TUSC3: variants seen among roughly 807,000 people sequenced by gnomAD.
TUSC3 encodes the protein dolichyl-diphosphooligosaccharide--protein glycosyltransferase subunit TUSC3.
In TUSC3, 45 loss-of-function variants were observed where a neutral mutation model predicts 44.8. The ratio of observed to expected loss-of-function variants is 1.00; its 90% CI spans 0.79 to 1.29. TUSC3 has a LOEUF of 1.29. Ranked by LOEUF, TUSC3 falls within the 50% of genes most tolerant of loss-of-function variation. The pLI, the probability that TUSC3 is intolerant of heterozygous loss-of-function variation, is 0.00. For synonymous variants in TUSC3, 212 were observed against 152.9 expected (o/e 1.39, Z -2.85); for missense variants, 519 against 437.9 (o/e 1.19, Z -1.65).
intron 6 of TUSC3, among the ~76,000 whole-genome samples, chr8:15,726,638 T>A (rs530199623): frequency 1.3e-5 from 2 of 152,068 alleles, no homozygotes; most frequent in East Asian, 3.9e-4. Flanking sequence ...AAACCCTATC[T>A]CTACTAAAAA....
At chr8:15,767,642 T>C (rs923332128), downstream of TUSC3, among the ~76,000 whole-genome samples, 5 of 152,140 alleles carry the variant, frequency 3.3e-5, no homozygotes, top group African/African-American at 7.2e-5. Flanking sequence ...GCATTCCTTA[T>C]GTGGGTTCCT....
chr8:15,445,868 A>C (rs1318916880), intron 1 of TUSC3, among the ~76,000 whole-genome samples: 1 of 151,900 alleles, frequency 6.6e-6, no homozygotes, highest in Admixed American at 6.6e-5. Context: ...GCGGCCGGGC[A>C]GAGGGGCTCC....
rs1371867000 is a variant in TUSC3 at position 15,743,690 on chromosome 8, A to T, written c.937+78A>T. On this transcript the variant is annotated intron_variant, in intron 8 of 10. Transcript: ENST00000503731. Reference sequence around the variant, plus strand: ...TTAAGTCAAATGGGAAATACATAAAAGCCCTTTGTAAACAAACTTCTAAAG... The same window carrying T: ...TTAAGTCAAATGGGAAATACATAAATGCCCTTTGTAAACAAACTTCTAAAG... 78 of 1,474,382 alleles carry T rather than the reference A, an allele frequency of 5.3e-5. No homozygotes were observed. The East Asian group carries it at 1.8e-3, about 33-fold the overall frequency. The allele number at this position is 1,474,382 out of a possible 1,614,324, so 91.3% of individuals were successfully genotyped here. A position where few individuals can be genotyped will look rare whatever the true frequency, so the allele number is the denominator to read the frequency against.
chr8:15,528,488 A>G (rs1707749413), intron 2 of TUSC3, among the ~76,000 whole-genome samples: 1 of 152,240 alleles, frequency 6.6e-6, no homozygotes, highest in South Asian at 2.1e-4. Context: ...TTTTTAAACC[A>G]TGAGAACCAC....
chr8:15,594,930 G>A lies in TUSC3; in HGVS notation c.139-28150G>A, dbSNP rs563152462. On this transcript the variant is annotated intron_variant, in intron 1 of 10. Transcript: ENST00000503731. Reference sequence around the variant, plus strand: ...GACAGATGGAGTTTTGACTGGATGCGCGTCATCTTCACTGCAATTGAGGGA... The same window carrying A: ...GACAGATGGAGTTTTGACTGGATGCACGTCATCTTCACTGCAATTGAGGGA... Among the ~76,000 whole-genome samples the A allele has an allele frequency of 4.6e-5, 7 of 152,150 alleles. No individual in the cohort carries two copies. The East Asian group carries it at 9.7e-4, about 21-fold the overall frequency.
At chr8:15,466,972 T>G (rs949395037) in intron 1 of TUSC3, among the ~76,000 whole-genome samples, 1 of 152,102 alleles carries the variant, frequency 6.6e-6, no homozygotes, top group East Asian at 1.9e-4. Flanking sequence ...GTATTTAAAT[T>G]CATGACTTTA....
At chr8:15,558,839 G>C (rs1195572278) in intron 1 of TUSC3, among the ~76,000 whole-genome samples, 2 of 149,596 alleles carry the variant, frequency 1.3e-5, no homozygotes, top group East Asian at 2.0e-4. Flanking sequence ...ATTTCTGTGG[G>C]ATCGGTGGTG....
At chr8:15,672,780 CTTG>C (rs1808005965) in intron 5 of TUSC3, among the ~76,000 whole-genome samples, 1 of 151,948 alleles carries the variant, frequency 6.6e-6, no homozygotes, top group Admixed American at 6.6e-5. Context: ...CTTTTGTATC[CTTG>C]TTTTCTCCTT....
At chr8:15,656,662 C>A (rs1031151558) in intron 3 of TUSC3, among the ~76,000 whole-genome samples, 7 of 150,460 alleles carry the variant, frequency 4.7e-5, no homozygotes, top group African/African-American at 1.7e-4. Context: ...CACGCAACAG[C>A]TCTCCCAGGC....
chr8:15,787,593 G>C, the TUSC3 span, among the ~76,000 whole-genome samples: 1 of 152,090 alleles, frequency 6.6e-6, no homozygotes, highest in Admixed American at 6.6e-5. Flanking sequence ...CACAACAACC[G>C]ATCACTTCTT....
At chr8:15,586,721 C>G (rs1353737172) in intron 1 of TUSC3, among the ~76,000 whole-genome samples, 2 of 152,250 alleles carry the variant, frequency 1.3e-5, no homozygotes, top group Non-Finnish European at 2.9e-5. Context: ...TCACTCATAG[C>G]TGAGCATACC....
chr8:15,775,275 C>T, the TUSC3 span, among the ~76,000 whole-genome samples: 14 of 152,038 alleles, frequency 9.2e-5, no homozygotes, highest in East Asian at 2.7e-3. Flanking sequence ...ACACAAAAAG[C>T]AGATGCGTGG....
intron 1 of TUSC3, among the ~76,000 whole-genome samples, chr8:15,449,816 G>A (rs1327146469): frequency 6.6e-6 from 1 of 152,070 alleles, no homozygotes; most frequent in African/African-American, 2.4e-5. Flanking sequence ...GCCCTATGTA[G>A]GTGACCGTTT....
At chr8:15,711,083 A>G (rs1809826780) in intron 6 of TUSC3, among the ~76,000 whole-genome samples, 1 of 151,742 alleles carries the variant, frequency 6.6e-6, no homozygotes. Context: ...ACATTAAAAC[A>G]GTAGTCCCCA....
At chr8:15,793,234 C>T in the TUSC3 span, among the ~76,000 whole-genome samples, 81 of 152,086 alleles carry the variant, frequency 5.3e-4, no homozygotes, top group Admixed American at 1.4e-3. Context: ...TCATTTCAGC[C>T]CACCTAACTA....
intron 2 of TUSC3, among the ~76,000 whole-genome samples, chr8:15,534,044 A>G (rs1447651470): frequency 6.6e-6 from 1 of 152,152 alleles, no homozygotes; most frequent in Non-Finnish European, 1.5e-5. Context: ...GTGCTTGTCC[A>G]AGATAGTGAT....
At chr8:15,431,960 G>C (rs1799878466) in intron 1 of TUSC3, among the ~76,000 whole-genome samples, 1 of 141,410 alleles carries the variant, frequency 7.1e-6, no homozygotes, top group South Asian at 2.1e-4. Flanking sequence ...TTGCATTCCA[G>C]GCATGAATCT....
At chr8:15,550,968 C>G (rs898426328) in intron 1 of TUSC3, among the ~76,000 whole-genome samples, 33 of 151,710 alleles carry the variant, frequency 2.2e-4, no homozygotes, top group African/African-American at 8.0e-4. Context: ...AAAATGGTAA[C>G]TTACAAAGTG....
At chr8:15,727,440 T>C (rs1379074628) in intron 6 of TUSC3, among the ~76,000 whole-genome samples, 4 of 152,144 alleles carry the variant, frequency 2.6e-5, no homozygotes. Context: ...TAGGTATTTT[T>C]TCCTATAACT....
Sources: allele counts gnomAD v4.1 joint callset (sites outside exome capture counted in the v4.1 genomes callset), GRCh38; gene constraint gnomAD v4.1.1; transcripts MANE v1.5; gene names NCBI Gene and HGNC (gene_info 2026-07-23, HGNC 2026-07-21).